PACSIN1: variants seen among roughly 807,000 people sequenced by gnomAD.
PACSIN1 encodes the protein protein kinase C and casein kinase substrate in neurons protein 1.
PACSIN1 carries 15 observed loss-of-function variants against 59.5 expected under a neutral mutation model. The ratio of observed to expected loss-of-function variants is 0.25; its 90% CI spans 0.17 to 0.39. The LOEUF is 0.39. PACSIN1 is among the 10% of genes least tolerant of loss of function. The pLI, the probability that PACSIN1 is intolerant of heterozygous loss-of-function variation, is 1.00. For missense variants in PACSIN1, 420 were observed against 580.2 expected (o/e 0.72, Z 2.84); for synonymous variants, 210 against 220.6 (o/e 0.95, Z 0.42).
rs757626187 is a variant in PACSIN1, at chr6:34,530,334, G to A, written c.880G>A (p.Gly294Ser). ...LRWFRSTSGP[G>S]MPMNWPQFEE... ...ATGGTTCCGCAGCACCAGTGGCCCC[G>A]GCATGCCCATGAACTGGCCCCAGTT... The change falls in exon 7 of 10, where the codon GGC becomes AGC. Residue 294 changes from glycine to serine, a missense_variant. Coordinates refer to ENST00000244458, the MANE Select transcript of PACSIN1 (RefSeq NM_020804.5). This position sits in a 1 kb window ranked among gnomAD's most constrained non-coding sequence, Gnocchi z 4.4. 1.1e-5 allele frequency: 18 copies of A among 1,613,970 alleles called. No homozygotes were observed. The highest frequency in any genetic ancestry group is 8.9e-5 in the East Asian group (4 of 44,898).
At chr6:34,493,935 C>G (rs541050874) in intron 1 of PACSIN1, among the ~76,000 whole-genome samples, 5 of 152,352 alleles carry the variant, frequency 3.3e-5, no homozygotes, top group African/African-American at 1.2e-4. Context: ...CCCTGTCCAG[C>G]ATTTCATGGC....
chr6:34,482,360 A>G (rs1766731277), intron 1 of PACSIN1, among the ~76,000 whole-genome samples: 1 of 152,210 alleles, frequency 6.6e-6, no homozygotes, highest in Non-Finnish European at 1.5e-5. Flanking sequence ...TGCTGGGATT[A>G]CAGGTGTGAG....
chr6:34,469,001 G>T (rs1766534957), intron 1 of PACSIN1, among the ~76,000 whole-genome samples: 1 of 152,134 alleles, frequency 6.6e-6, no homozygotes, highest in African/African-American at 2.4e-5. Context: ...TCAGAAGTTT[G>T]CACGTATCCC....
rs1040764836 is a variant in PACSIN1 at position 34,501,880 on chromosome 6, A to C, written c.-63-24363A>C. Among the ~76,000 whole-genome samples the C allele has an allele frequency of 1.2e-4, 18 of 152,128 alleles. No individual in the cohort carries two copies. The East Asian group carries it at 2.5e-3, about 21-fold the overall frequency. ...CCCATCTCTACTAAAAATACAAAAAAAATTAGCCAGGTGTGGTGGCGCACA... is the reference window on the plus strand; with the variant it reads ...CCCATCTCTACTAAAAATACAAAAACAATTAGCCAGGTGTGGTGGCGCACA... On this transcript the variant is annotated intron_variant, in intron 1 of 9. Coordinates refer to ENST00000244458, the MANE Select transcript of PACSIN1 (RefSeq NM_020804.5).
Position 34,532,575 on chromosome 6 carries a change from C to T in PACSIN1, c.*45C>T, listed in dbSNP as rs371850805. 721 of 1,039,334 alleles carry T rather than the reference C, an allele frequency of 6.9e-4. 3 individuals carry two copies. Among genetic ancestry groups the T allele is most frequent in the Admixed American group, 1.9e-3 (86 of 44,908 alleles). The allele number at this position is 1,039,334 out of a possible 1,614,324, so 64.4% of individuals were successfully genotyped here. A position where few individuals can be genotyped will look rare whatever the true frequency, so the allele number is the denominator to read the frequency against. On this transcript the variant is annotated 3_prime_UTR_variant, in exon 10 of 10. Transcript: ENST00000244458. This position sits in a 1 kb window ranked among gnomAD's most constrained non-coding sequence, Gnocchi z 5.2. ...TCCCGTCACTCCTCCCCACTGCCGC[C>T]CCTCCCCTCCCACTCTCGTCTCCTT...
At position 34,484,366 on chromosome 6, in the gene PACSIN1, A is replaced by G. The variant is rs563061898; in HGVS notation, c.-64+18096A>G. 6.6e-5 allele frequency among the ~76,000 whole-genome samples: 10 copies of G among 152,326 alleles called. No homozygotes were observed. In the East Asian group the frequency reaches 1.3e-3, roughly 21 times the overall value. ...CCAATATGAAAAGGCCTCACACTGT[A>G]TGATTCCAACTAGATAACATTCTGG... On this transcript the variant is annotated intron_variant, in intron 1 of 9. Coordinates refer to ENST00000244458, the MANE Select transcript of PACSIN1 (RefSeq NM_020804.5).
Position 34,532,573 on chromosome 6 carries a change from GCCCCT to G in PACSIN1, c.*52_*56del. The G allele has an allele frequency of 9.2e-7, 1 of 1,092,690 alleles. No individual in the cohort carries two copies. The highest frequency in any genetic ancestry group is 1.3e-6 in the Non-Finnish European group (1 of 743,376). The allele number at this position is 1,092,690 out of a possible 1,614,324, so 67.7% of individuals were successfully genotyped here. A position where few individuals can be genotyped will look rare whatever the true frequency, so the allele number is the denominator to read the frequency against. On this transcript the variant is annotated 3_prime_UTR_variant, in exon 10 of 10. Coordinates refer to ENST00000244458, the MANE Select transcript of PACSIN1 (RefSeq NM_020804.5). This position sits in a 1 kb window ranked among gnomAD's most constrained non-coding sequence, Gnocchi z 5.2. ...ACTCCCGTCACTCCTCCCCACTGCC[GCCCCT>G]CCCCTCCCACTCTCGTCTCCTTCCC...
chr6:34,476,286 G>A (rs1054622642), intron 1 of PACSIN1, among the ~76,000 whole-genome samples: 8 of 152,188 alleles, frequency 5.3e-5, no homozygotes, highest in Non-Finnish European at 7.3e-5. Flanking sequence ...CTTCAGATGG[G>A]TAAGCTGAGG....
intron 1 of PACSIN1, among the ~76,000 whole-genome samples, chr6:34,523,051 G>A (rs762731458): frequency 2.2e-4 from 33 of 152,180 alleles, no homozygotes; most frequent in Admixed American, 7.9e-4. Context: ...CCAGCTCTCC[G>A]GGTATCCCCT....
Position 34,526,266 on chromosome 6 carries a change from ACCG to A in PACSIN1, c.-38_-36del. The A allele has an allele frequency of 6.4e-7, 1 of 1,574,510 alleles. No individual in the cohort carries two copies. Among genetic ancestry groups the A allele is most frequent in the African/African-American group, 1.3e-5 (1 of 74,288 alleles). On this transcript the variant is annotated 5_prime_UTR_variant, in exon 2 of 10. Transcript: ENST00000244458. Reference sequence around the variant, plus strand: ...AGTGCATGAGCAGCCGAGCCTGCTAACCGCAGCTCCGCACTTGTCCATCCCCCT... The same window carrying A: ...AGTGCATGAGCAGCCGAGCCTGCTAACAGCTCCGCACTTGTCCATCCCCCT...
In PACSIN1 at chr6:34,493,562, G is replaced by C. The variant is rs77920153; in HGVS notation, c.-64+27292G>C. On this transcript the variant is annotated intron_variant, in intron 1 of 9. Transcript: ENST00000244458. The stretch of plus-strand genomic sequence containing the variant: ...AGAGTTGTGATTACTCTGCATCCTC[G>C]CCAACACTTGATATTATCTGTCTTT... Among the ~76,000 whole-genome samples the C allele has an allele frequency of 1.9e-3, 285 of 152,222 alleles. 4 individuals carry two copies. The East Asian group carries it at 0.049, about 26-fold the overall frequency.
In PACSIN1 at chr6:34,518,634, C is replaced by T. The variant is rs1022771304; in HGVS notation, c.-63-7609C>T. 1.8e-4 allele frequency among the ~76,000 whole-genome samples: 27 copies of T among 152,212 alleles called. No individual in the cohort carries two copies. Among genetic ancestry groups the T allele is most frequent in the African/African-American group, 6.3e-4 (26 of 41,442 alleles). On this transcript the variant is annotated intron_variant, in intron 1 of 9. Coordinates refer to ENST00000244458, the MANE Select transcript of PACSIN1 (RefSeq NM_020804.5). This position sits in a 1 kb window ranked among gnomAD's most constrained non-coding sequence, Gnocchi z 4.4. ...CACTGCGGGCAATTCAGCTCACTCC[C>T]GCTGGAGAGCTCTGGGAGGGGTTTT...
At chr6:34,527,147 A>G (rs978357980) in intron 2 of PACSIN1, among the ~76,000 whole-genome samples, 185 bp from the exon 3 acceptor site, 5 of 137,986 alleles carry the variant, frequency 3.6e-5, no homozygotes, top group African/African-American at 5.4e-5. Context: ...GAGCCTCCGA[A>G]AGTTAGTTTC....
chr6:34,508,411 A>G (rs1767148978), intron 1 of PACSIN1, among the ~76,000 whole-genome samples: 1 of 151,856 alleles, frequency 6.6e-6, no homozygotes, highest in Non-Finnish European at 1.5e-5. Flanking sequence ...AGCAGTAGTT[A>G]TTTTTTAAAT....
chr6:34,532,201 C>A lies in PACSIN1; in HGVS notation c.1226-220C>A, dbSNP rs1767610135. ...CTGGTTTTGGGGACGGACCCGACAC[C>A]CAGATTAGGTGAATGGCTGAGGTAG... On this transcript the variant is annotated intron_variant, in intron 9 of 9. Transcript: ENST00000244458. The surrounding 1 kb of genome is among the most constrained non-coding windows in gnomAD (Gnocchi z 5.2). 6.6e-6 allele frequency among the ~76,000 whole-genome samples: 1 copy of A among 151,960 alleles called. No individual in the cohort carries two copies. The highest frequency in any genetic ancestry group is 2.1e-4 in the South Asian group (1 of 4,818).
At chr6:34,496,855 T>C (rs1766954143) in intron 1 of PACSIN1, among the ~76,000 whole-genome samples, 1 of 151,664 alleles carries the variant, frequency 6.6e-6, no homozygotes. Context: ...TGTGTGACAT[T>C]AGACAATTGA....
intron 1 of PACSIN1, among the ~76,000 whole-genome samples, chr6:34,511,848 G>T (rs1767208000): frequency 6.6e-6 from 1 of 152,286 alleles, no homozygotes; most frequent in East Asian, 1.9e-4. Context: ...TGGGGAGAGG[G>T]GGCAATGAAT....
rs1268757294 is a variant in PACSIN1, at chr6:34,516,831, G to T, written c.-63-9412G>T. Among the ~76,000 whole-genome samples the T allele has an allele frequency of 6.6e-6, 1 of 152,198 alleles. No homozygotes were observed. Among genetic ancestry groups the T allele is most frequent in the Non-Finnish European group, 1.5e-5 (1 of 68,024 alleles). ...GCCCAGGGCACCTGCCTGGAAGCCG[G>T]ATTGAGACTTGACCTCCCCTGGCAG... is the stretch of plus-strand genomic sequence containing the variant. On this transcript the variant is annotated intron_variant, in intron 1 of 9. Coordinates refer to ENST00000244458, the MANE Select transcript of PACSIN1 (RefSeq NM_020804.5). The surrounding 1 kb of genome is among the most constrained non-coding windows in gnomAD (Gnocchi z 5.4).
chr6:34,531,606 C>G lies in PACSIN1; in HGVS notation c.1044C>G (p.Ser348Arg). ...TCCTTCCTCCGCGTCTCAGTGTTAG[C>G]AGCTACGACAGAGGCCAGCCCTACG... ...TSQAGDRGSV[S>R]SYDRGQPYAT... The change falls in exon 9 of 10, where the codon AGC (serine) becomes AGG (arginine). Residue 348 changes from serine (S) to arginine (R), a missense_variant. Physicochemically the swap from Ser to Arg is moderately radical, Grantham distance 110. Coordinates refer to ENST00000244458, the MANE Select transcript of PACSIN1 (RefSeq NM_020804.5). This position sits in a 1 kb window ranked among gnomAD's most constrained non-coding sequence, Gnocchi z 4.4. The G allele has an allele frequency of 1.2e-6, 2 of 1,613,780 alleles. No homozygotes were observed. Among genetic ancestry groups the G allele is most frequent in the Non-Finnish European group, 1.7e-6 (2 of 1,179,970 alleles).
Sources: gnomAD v4.1 joint callset for allele counts (sites outside exome capture counted in the v4.1 genomes callset) on GRCh38, gnomAD v4.1.1 for gene constraint, Gnocchi (gnomAD v3.1) non-coding constraint, MANE v1.5 for transcripts, NCBI Gene and HGNC (gene_info 2026-07-23, HGNC 2026-07-21) for gene names.